The following LRRC69 variants were observed in gnomAD, a reference collection of about 807,000 sequenced individuals.
The protein encoded by LRRC69 is leucine rich repeat containing 69, also known as leucine-rich repeat-containing protein 69.
LRRC69 carries 42 observed loss-of-function variants against 37.8 expected under a neutral mutation model. The observed-to-expected ratio is 1.11, with a 90% CI of 0.87 to 1.44. The LOEUF (loss-of-function observed/expected upper bound fraction) is 1.44, where lower values mean the gene tolerates loss of function less well. Ranked by LOEUF, LRRC69 falls within the 40% of genes most tolerant of loss-of-function variation. The probability of loss-of-function intolerance (pLI) is 0.00; values close to 1 mark genes in which losing one functional copy is unlikely to be tolerated. For missense variants in LRRC69, 357 were observed against 401.9 expected, an observed-to-expected ratio of 0.89 and a Z score of 0.96; for synonymous variants, 141 against 143.1, an observed-to-expected ratio of 0.99 and a Z score of 0.11.
rs79517729 is a variant in LRRC69 at position 91,167,642 on chromosome 8, C to G, written c.652-21880C>G. Reference sequence around the variant, plus strand: ...CCCTGGGGCGCCAGAGCGGAACCCTCGTTTGTAGCATCTGCTAATTCCCAT... The same window carrying G: ...CCCTGGGGCGCCAGAGCGGAACCCTGGTTTGTAGCATCTGCTAATTCCCAT... On this transcript the variant is annotated intron_variant, in intron 5 of 7. Coordinates refer to ENST00000448384, the Ensembl canonical transcript of LRRC69. Among the ~76,000 whole-genome samples, 691 of 152,066 alleles carry G rather than the reference C, an allele frequency of 4.5e-3. 6 individuals carry two copies. The highest frequency in any genetic ancestry group is 0.016 in the African/African-American group (667 of 41,546).
intron 5 of LRRC69, among the ~76,000 whole-genome samples, chr8:91,170,131 G>A (rs1404598976): frequency 8.8e-6 from 1 of 114,080 alleles, no homozygotes; most frequent in South Asian, 3.5e-4. Context: ...CTAGTTTACA[G>A]TCCCACCAAC....
rs1037075456 is a variant in LRRC69 at position 91,157,945 on chromosome 8, G to A, written c.651+22206G>A. 54 of 1,455,010 alleles carry A rather than the reference G, an allele frequency of 3.7e-5. No individual in the cohort carries two copies. The Admixed American group carries it at 4.4e-4, about 12-fold the overall frequency. The allele number at this position is 1,455,010 out of a possible 1,614,324, so 90.1% of individuals were successfully genotyped here. On this transcript the variant is annotated intron_variant, in intron 5 of 7. Transcript: ENST00000448384. ...TGTATCGGCAGTATACTGATTGCACGTTCCGTATTCCAGTGGAGAGAAAAG... is the reference window on the plus strand; with the variant it reads ...TGTATCGGCAGTATACTGATTGCACATTCCGTATTCCAGTGGAGAGAAAAG...
At chr8:91,112,479 GA>G (rs891653827) in intron 1 of LRRC69, among the ~76,000 whole-genome samples, 4 of 151,882 alleles carry the variant, frequency 2.6e-5, no homozygotes, top group African/African-American at 9.7e-5. Flanking sequence ...CAAAACGAAA[GA>G]AAAAAACCCA....
chr8:91,213,117 T>C (rs867407029), intron 7 of LRRC69, among the ~76,000 whole-genome samples: 1 of 152,156 alleles, frequency 6.6e-6, no homozygotes, highest in South Asian at 2.1e-4. Flanking sequence ...GAAAATTCCT[T>C]GTGAAATTCA....
exon 5 of LRRC69, chr8:91,135,733 A>G (rs762515288): frequency 7.0e-7 from 1 of 1,433,722 alleles, no homozygotes; most frequent in African/African-American, 1.5e-5. Flanking sequence ...AGATATTTCC[A>G]TCAGGAGTAA....
At chr8:91,186,968 T>C (rs543262817) in intron 5 of LRRC69, among the ~76,000 whole-genome samples, 2 of 152,334 alleles carry the variant, frequency 1.3e-5, no homozygotes, top group Admixed American at 6.5e-5. Flanking sequence ...TTTAGAACTT[T>C]AGGTGCCAAT....
At chr8:91,136,081 T>C (rs995114324) in intron 5 of LRRC69, among the ~76,000 whole-genome samples, 1 of 152,006 alleles carries the variant, frequency 6.6e-6, no homozygotes, top group Non-Finnish European at 1.5e-5. Flanking sequence ...TTATCCCTTG[T>C]AATTAATCCA....
intron 1 of LRRC69, among the ~76,000 whole-genome samples, chr8:91,122,187 C>T (rs570187047): frequency 6.6e-6 from 1 of 152,166 alleles, no homozygotes; most frequent in South Asian, 2.1e-4. Flanking sequence ...TTCTTGTTTA[C>T]TTTAAAAATA....
chr8:91,129,525 T>G (rs1355330544), intron 3 of LRRC69, among the ~76,000 whole-genome samples: 2 of 151,838 alleles, frequency 1.3e-5, no homozygotes. Context: ...CCAACTCCCA[T>G]GATATAGTAA....
At chr8:91,194,643 T>G (rs1809562111) in intron 6 of LRRC69, among the ~76,000 whole-genome samples, 1 of 152,062 alleles carries the variant, frequency 6.6e-6, no homozygotes, top group Non-Finnish European at 1.5e-5. Flanking sequence ...GTAGAGGTGT[T>G]TGTAGTATTC....
chr8:91,174,733 C>T (rs1809194075), intron 5 of LRRC69, among the ~76,000 whole-genome samples: 1 of 152,216 alleles, frequency 6.6e-6, no homozygotes, highest in South Asian at 2.1e-4. Flanking sequence ...CTGTGGTATT[C>T]CCTAAGGAAA....
At chr8:91,131,873 G>A (rs1306659214) in intron 3 of LRRC69, among the ~76,000 whole-genome samples, 1 of 151,818 alleles carries the variant, frequency 6.6e-6, no homozygotes, top group Non-Finnish European at 1.5e-5. Flanking sequence ...CTACTTCTGT[G>A]TTCATAACTT....
chr8:91,186,827 G>A (rs1251970743), intron 5 of LRRC69, among the ~76,000 whole-genome samples: 1 of 152,106 alleles, frequency 6.6e-6, no homozygotes, highest in African/African-American at 2.4e-5. Context: ...TGGATGGGAT[G>A]GAGGATGGAA....
At chr8:91,181,281 A>T (rs1809320420) in intron 5 of LRRC69, among the ~76,000 whole-genome samples, 1 of 152,176 alleles carries the variant, frequency 6.6e-6, no homozygotes, top group Non-Finnish European at 1.5e-5. Flanking sequence ...ATAACTGAAG[A>T]GTCATTGCTG....
chr8:91,165,648 C>T (rs1809014547), intron 5 of LRRC69, among the ~76,000 whole-genome samples: 1 of 151,602 alleles, frequency 6.6e-6, no homozygotes, highest in South Asian at 2.1e-4. Context: ...TGATTCAAGT[C>T]ACATGTACAA....
At chr8:91,102,884 G>A in intron 1 of LRRC69, 40 bp downstream of exon 1, 1 of 1,499,236 alleles carries the variant, frequency 6.7e-7, no homozygotes, top group Non-Finnish European at 8.9e-7. Context: ...TGGTATTGAA[G>A]ATGGAAAACA....
chr8:91,136,031 T>G (rs1005493695), intron 5 of LRRC69, among the ~76,000 whole-genome samples: 3 of 152,030 alleles, frequency 2.0e-5, no homozygotes, highest in African/African-American at 7.2e-5. Flanking sequence ...TTTGGTCACC[T>G]CTGGCTTTTT....
intron 1 of LRRC69, among the ~76,000 whole-genome samples, chr8:91,124,267 G>C (rs1563596573): frequency 1.3e-5 from 2 of 151,928 alleles, no homozygotes; most frequent in African/African-American, 2.4e-5. Flanking sequence ...GAACTTAAGT[G>C]CTCTAATTAA....
chr8:91,193,487 A>C (rs1357567662), intron 6 of LRRC69, among the ~76,000 whole-genome samples: 1 of 114,646 alleles, frequency 8.7e-6, no homozygotes, highest in African/African-American at 3.6e-5. Flanking sequence ...TGAGCATGGA[A>C]TGTTCTTCCA....
Sources: gnomAD v4.1 joint callset for allele counts (sites outside exome capture counted in the v4.1 genomes callset) on GRCh38, gnomAD v4.1.1 for gene constraint, MANE v1.5 for transcripts, NCBI Gene and HGNC (gene_info 2026-07-23, HGNC 2026-07-21) for gene names.